The following RGS7BP variants were observed in gnomAD, a reference collection of about 807,000 sequenced individuals.
The protein encoded by RGS7BP is regulator of G protein signaling 7 binding protein, also known as regulator of G protein signaling 7-binding protein.
A neutral mutation model predicts 31.3 loss-of-function variants in RGS7BP; 9 were observed. The ratio of observed to expected loss-of-function variants is 0.29; its 90% CI spans 0.17 to 0.50. The LOEUF is 0.50. RGS7BP is among the 20% of genes least tolerant of loss of function. The pLI is 0.98. For missense variants in RGS7BP, 274 were observed against 322.0 expected, an observed-to-expected ratio of 0.85 and a Z score of 1.14; for synonymous variants, 115 against 120.1, an observed-to-expected ratio of 0.96 and a Z score of 0.28.
intron 2 of RGS7BP, among the ~76,000 whole-genome samples, chr5:64,528,977 C>T (rs902361330): frequency 4.6e-5 from 7 of 152,146 alleles, no homozygotes; most frequent in East Asian, 1.9e-4. Flanking sequence ...ATTATTACAA[C>T]GTATTCCAAT....
chr5:64,519,979 T>A (rs962933833), intron 2 of RGS7BP, among the ~76,000 whole-genome samples: 4 of 152,184 alleles, frequency 2.6e-5, no homozygotes, highest in Non-Finnish European at 4.4e-5. Flanking sequence ...TTCCCTACGG[T>A]TCCAAGATGT....
rs1200127097 is a variant in RGS7BP, at chr5:64,565,220, G to T, written c.333-10554G>T. Among the ~76,000 whole-genome samples the T allele has an allele frequency of 2.0e-5, 3 of 152,184 alleles. No homozygotes were observed. In the East Asian group the frequency reaches 5.8e-4, roughly 30 times the overall value. On this transcript the variant is annotated intron_variant, in intron 2 of 5. Transcript: ENST00000334025. ...TATAGATAAGAAAACTAAGACTCAG[G>T]AGGCTAATTCACTTAGAAAGGGTAA...
chr5:64,512,347 G>T (rs1444271568), intron 2 of RGS7BP, among the ~76,000 whole-genome samples: 2 of 152,196 alleles, frequency 1.3e-5, no homozygotes, highest in African/African-American at 2.4e-5. Context: ...AAGGACATGG[G>T]TGAATTTGTA....
At chr5:64,522,099 C>G (rs977971324) in intron 2 of RGS7BP, among the ~76,000 whole-genome samples, 2 of 152,214 alleles carry the variant, frequency 1.3e-5, no homozygotes, top group Non-Finnish European at 2.9e-5. Context: ...ACAACAGATT[C>G]TCTATCCTCA....
chr5:64,594,718 C>T lies in RGS7BP; in HGVS notation c.472C>T (p.Pro158Ser), dbSNP rs768520530. 3 of 1,613,654 alleles carry T rather than the reference C, an allele frequency of 1.9e-6. No homozygotes were observed. The highest frequency in any genetic ancestry group is 2.5e-6 in the Non-Finnish European group (3 of 1,179,712). The change falls in exon 4 of 6, where the codon CCT becomes TCT. Residue 158 changes from proline to serine, a missense_variant. By Grantham distance (74) the Pro-to-Ser change is moderately conservative (BLOSUM62 -1). Around this residue, in one of 3 missense-constraint regions of RGS7BP, gnomAD observed 112 missense variants for 130.9 expected, o/e 0.86. Coordinates refer to ENST00000334025, the MANE Select transcript of RGS7BP (RefSeq NM_001029875.3). ...SLQFHRKGKE[P>S]GGGTKSLDCK... is the part of the protein sequence containing the mutation. ...CACCCTCCCTCCCTTAGGAAAGGAA[C>T]CTGGCGGGGGAACCAAGAGTTTGGA...
At chr5:64,567,093 T>C (rs1742189139) in intron 2 of RGS7BP, among the ~76,000 whole-genome samples, 1 of 152,030 alleles carries the variant, frequency 6.6e-6, no homozygotes, top group Non-Finnish European at 1.5e-5. Flanking sequence ...TTTGAGATGC[T>C]AATGAGACAT....
At chr5:64,522,187 T>C (rs1407629023) in intron 2 of RGS7BP, among the ~76,000 whole-genome samples, 1 of 152,156 alleles carries the variant, frequency 6.6e-6, no homozygotes, top group Non-Finnish European at 1.5e-5. Flanking sequence ...TTCCAATGAG[T>C]ACAGCTATCC....
chr5:64,547,612 T>C (rs1378143733), intron 2 of RGS7BP, among the ~76,000 whole-genome samples: 1 of 152,176 alleles, frequency 6.6e-6, no homozygotes, highest in Non-Finnish European at 1.5e-5. Flanking sequence ...AATTTAATTA[T>C]CCATTAAAGT....
At position 64,610,900 on chromosome 5, in the gene RGS7BP, T is replaced by C. The variant is rs1038251058; in HGVS notation, c.*1648T>C. On this transcript the variant is annotated 3_prime_UTR_variant, in exon 6 of 6. Coordinates refer to ENST00000334025, the MANE Select transcript of RGS7BP (RefSeq NM_001029875.3). The stretch of plus-strand genomic sequence containing the variant: ...GTTGGAAGAGAACGTTATACAGGTC[T>C]CTATTTAGATCATACCAGCTGGTTT... 1.3e-4 allele frequency: 19 copies of C among 151,930 alleles called. No individual in the cohort carries two copies. The highest frequency in any genetic ancestry group is 1.1e-3 in the Admixed American group (16 of 15,212). 9.4% of individuals were successfully genotyped at this position (151,930 alleles called of 1,614,324 possible).
At chr5:64,555,124 C>T (rs1421700399) in intron 2 of RGS7BP, among the ~76,000 whole-genome samples, 1 of 152,002 alleles carries the variant, frequency 6.6e-6, no homozygotes, top group Non-Finnish European at 1.5e-5. Context: ...CCACAAAATA[C>T]TAAGGACAAA....
In RGS7BP at chr5:64,527,043, C is replaced by A. The variant is rs543900594; in HGVS notation, c.332+19166C>A. Among the ~76,000 whole-genome samples, 4 of 152,290 alleles carry A rather than the reference C, an allele frequency of 2.6e-5. No individual in the cohort carries two copies. The East Asian group carries it at 7.7e-4, about 29-fold the overall frequency. On this transcript the variant is annotated intron_variant, in intron 2 of 5. Transcript: ENST00000334025. ...ACACTTGAAATTTCTCTTTCAAGACCAAATACCCCACGAAAATGGACCAAG... is the reference window on the plus strand; with the variant it reads ...ACACTTGAAATTTCTCTTTCAAGACAAAATACCCCACGAAAATGGACCAAG...
At chr5:64,566,541 C>A (rs1041735025) in intron 2 of RGS7BP, among the ~76,000 whole-genome samples, 1 of 152,000 alleles carries the variant, frequency 6.6e-6, no homozygotes, top group African/African-American at 2.4e-5. Context: ...TCTGGGTGCA[C>A]ATGCACAGCA....
intron 5 of RGS7BP, chr5:64,601,406 C>T: frequency 3.1e-6 from 3 of 972,000 alleles, no homozygotes; most frequent in Non-Finnish European, 3.7e-6. Context: ...CTACTACAGT[C>T]AAAACTCGGC....
chr5:64,597,750 G>A (rs1427774989), intron 4 of RGS7BP, among the ~76,000 whole-genome samples: 2 of 151,850 alleles, frequency 1.3e-5, no homozygotes, highest in African/African-American at 2.4e-5. Context: ...GACTCAGAAG[G>A]GTGGGAAGGT....
At chr5:64,588,689 T>A (rs1487086557) in intron 3 of RGS7BP, among the ~76,000 whole-genome samples, 1 of 152,148 alleles carries the variant, frequency 6.6e-6, no homozygotes, top group African/African-American at 2.4e-5. Context: ...AATCTCAAAC[T>A]TTTCACAGTT....
At chr5:64,561,856 T>C (rs1345182703) in intron 2 of RGS7BP, among the ~76,000 whole-genome samples, 1 of 148,030 alleles carries the variant, frequency 6.8e-6, no homozygotes, top group Non-Finnish European at 1.5e-5. Flanking sequence ...TCTGTCTGCC[T>C]GAAGAGCTAT....
chr5:64,588,850 T>C (rs1488916436), intron 3 of RGS7BP, among the ~76,000 whole-genome samples: 1 of 151,662 alleles, frequency 6.6e-6, no homozygotes, highest in African/African-American at 2.4e-5. Context: ...GACTCCAATA[T>C]AAAATAGCAA....
chr5:64,588,165 A>C (rs1580458016), intron 3 of RGS7BP, among the ~76,000 whole-genome samples: 2 of 152,218 alleles, frequency 1.3e-5, no homozygotes, highest in East Asian at 3.8e-4. Context: ...AAGCAGCCAG[A>C]TTTGTTGGAA....
At chr5:64,528,257 G>A (rs1253348678) in intron 2 of RGS7BP, among the ~76,000 whole-genome samples, 1 of 152,192 alleles carries the variant, frequency 6.6e-6, no homozygotes, top group Non-Finnish European at 1.5e-5. Context: ...AAGCAGAAGT[G>A]AGAAAGTCAG....
Sources: allele counts gnomAD v4.1 joint callset (sites outside exome capture counted in the v4.1 genomes callset), GRCh38; gene constraint gnomAD v4.1.1; regional missense constraint gnomAD v4.1.1; transcripts MANE v1.5; gene names NCBI Gene and HGNC (gene_info 2026-07-23, HGNC 2026-07-21).